ZRANB3: variants seen among roughly 807,000 people sequenced by gnomAD.
The protein encoded by ZRANB3 is zinc finger RANBP2-type containing 3, also known as DNA annealing helicase and endonuclease ZRANB3.
In ZRANB3, 125 loss-of-function variants were observed where a neutral mutation model predicts 133.8. The ratio of observed to expected loss-of-function variants is 0.93; its 90% confidence interval spans 0.81 to 1.08. The LOEUF (loss-of-function observed/expected upper bound fraction) is 1.08. ZRANB3 is among the 50% of genes least tolerant of loss of function. The pLI is 0.00. For synonymous variants in ZRANB3, 387 were observed against 432.7 expected (o/e 0.89, Z 1.31); for missense variants, 1,229 against 1,275.5 (o/e 0.96, Z 0.56).
At chr2:135,357,061 C>T (rs935202555) in intron 3 of ZRANB3, among the ~76,000 whole-genome samples, 2 of 152,026 alleles carry the variant, frequency 1.3e-5, no homozygotes, top group East Asian at 1.9e-4. Context: ...TCCTTTGAAA[C>T]GTCTTTTTGT....
Position 135,485,597 on chromosome 2 carries a change from T to A in ZRANB3, c.161+18732A>T, listed in dbSNP as rs1307866943. Among the ~76,000 whole-genome samples, 3 of 152,204 alleles carry A rather than the reference T, an allele frequency of 2.0e-5. No individual in the cohort carries two copies. In the East Asian group the frequency reaches 5.8e-4, roughly 29 times the overall value. ...TCATAAACATGGCATTTAATCTTTA[T>A]AGTTGGTCACAATACTGTCAGAATG... On this transcript the variant is annotated intron_variant, in intron 2 of 20. Transcript: ENST00000264159.
intron 2 of ZRANB3, among the ~76,000 whole-genome samples, chr2:135,408,677 G>C (rs963303436): frequency 6.6e-6 from 1 of 152,124 alleles, no homozygotes; most frequent in Non-Finnish European, 1.5e-5. Flanking sequence ...CCTTTGTAGG[G>C]ACATGGATGA....
chr2:135,490,097 C>T (rs780965658), intron 2 of ZRANB3, among the ~76,000 whole-genome samples: 1 of 152,100 alleles, frequency 6.6e-6, no homozygotes, highest in Non-Finnish European at 1.5e-5. Context: ...GAAAAAAATC[C>T]AGTGAGTCCT....
At chr2:135,324,251 GC>G (rs1573911121) in intron 6 of ZRANB3, among the ~76,000 whole-genome samples, 1 of 144,464 alleles carries the variant, frequency 6.9e-6, no homozygotes, top group Non-Finnish European at 1.5e-5. Context: ...CCCACAACAG[GC>G]CCCGGTGTGT....
At chr2:135,288,164 T>C (rs1413375666) in intron 8 of ZRANB3, among the ~76,000 whole-genome samples, 2 of 152,210 alleles carry the variant, frequency 1.3e-5, no homozygotes, top group African/African-American at 4.8e-5. Context: ...TTTTGTCAAA[T>C]GCCTTTTCTG....
At chr2:135,491,778 G>T (rs933427054) in intron 2 of ZRANB3, among the ~76,000 whole-genome samples, 3 of 152,020 alleles carry the variant, frequency 2.0e-5, no homozygotes, top group Admixed American at 1.3e-4. Flanking sequence ...GCCTCACAAA[G>T]CGCTGGGATT....
chr2:135,197,190 CTA>C lies in ZRANB3; in HGVS notation c.*3150_*3151del, dbSNP rs1245077033. 2 of 152,094 alleles carry C rather than the reference CTA, an allele frequency of 1.3e-5. No homozygotes were observed. Among genetic ancestry groups the C allele is most frequent in the Non-Finnish European group, 2.9e-5 (2 of 68,024 alleles). The allele number at this position is 152,094 out of a possible 1,614,324, so 9.4% of individuals were successfully genotyped here. On this transcript the variant is annotated 3_prime_UTR_variant, in exon 21 of 21. Transcript: ENST00000264159. Reference sequence around the variant, plus strand: ...AACAAATGGTGGAATGAGAGACAGGCTAATAATATGCAACAGAAAATGAGACA... The same window carrying C: ...AACAAATGGTGGAATGAGAGACAGGCATAATATGCAACAGAAAATGAGACA...
intron 2 of ZRANB3, among the ~76,000 whole-genome samples, chr2:135,416,563 C>T (rs937295342): frequency 2.6e-5 from 4 of 151,572 alleles, no homozygotes; most frequent in Non-Finnish European, 5.9e-5. Context: ...AATGCCATCC[C>T]CATCAAGCTA....
intron 2 of ZRANB3, among the ~76,000 whole-genome samples, chr2:135,428,893 G>T (rs1689203701): frequency 6.6e-6 from 1 of 152,204 alleles, no homozygotes; most frequent in South Asian, 2.1e-4. Flanking sequence ...AACAGATGCT[G>T]GTGGGGTTGA....
At position 135,360,171 on chromosome 2, in the gene ZRANB3, G is replaced by A. The variant is rs187236806; in HGVS notation, c.181-6543C>T. ...AGGCGGGTGGGTCACCTGAGGTCAG[G>A]AGTTCGAGACTAGCCTGGCCAAAAT... is the stretch of plus-strand genomic sequence containing the variant. On this transcript the variant is annotated intron_variant, in intron 3 of 20. Coordinates refer to ENST00000264159, the MANE Select transcript of ZRANB3 (RefSeq NM_032143.4). Among the ~76,000 whole-genome samples, 2 of 152,108 alleles carry A rather than the reference G, an allele frequency of 1.3e-5. 1 individual carries two copies. The highest frequency in any genetic ancestry group is 2.9e-5 in the Non-Finnish European group (2 of 68,008).
intron 20 of ZRANB3, among the ~76,000 whole-genome samples, chr2:135,201,464 A>T (rs1693621832): frequency 6.6e-6 from 1 of 151,910 alleles, no homozygotes; most frequent in African/African-American, 2.4e-5. Context: ...AGCAGCCTGG[A>T]CAACATGGTG....
At chr2:135,363,028 A>T (rs888982606) in intron 3 of ZRANB3, among the ~76,000 whole-genome samples, 22 of 151,636 alleles carry the variant, frequency 1.5e-4, no homozygotes, top group African/African-American at 5.1e-4. Flanking sequence ...TAAAAAGATT[A>T]AAAAAAAAGT....
intron 1 of ZRANB3, among the ~76,000 whole-genome samples, chr2:135,517,621 T>C (rs1693754672): frequency 6.6e-6 from 1 of 152,128 alleles, no homozygotes; most frequent in Non-Finnish European, 1.5e-5. Context: ...ACAGCAAAGG[T>C]TGCTGCCTGT....
chr2:135,275,789 T>A, intron 8 of ZRANB3, 34 bp from the exon 9 acceptor site: 1 of 1,431,456 alleles, frequency 7.0e-7, no homozygotes, highest in Non-Finnish European at 9.3e-7. Context: ...ATTAGTGTCA[T>A]AAAAATGATT....
chr2:135,530,813 G>A (rs16831809), intron 1 of ZRANB3: 3 of 152,122 alleles, frequency 2.0e-5, no homozygotes, highest in Non-Finnish European at 2.9e-5. Context: ...TGGCTGAAGC[G>A]GCGGCATGGG....
intron 2 of ZRANB3, among the ~76,000 whole-genome samples, chr2:135,410,648 G>A (rs542965671): frequency 6.6e-6 from 1 of 151,942 alleles, no homozygotes; most frequent in Admixed American, 6.6e-5. Context: ...GACTTGCACA[G>A]CAAAAGAAAC....
intron 16 of ZRANB3, 59 bp downstream of exon 16, chr2:135,219,018 A>G: frequency 2.6e-6 from 3 of 1,170,548 alleles, no homozygotes; most frequent in South Asian, 2.1e-5. Flanking sequence ...GATCATTAAA[A>G]TTACTAAAAC....
chr2:135,388,630 T>C (rs1417953191), intron 3 of ZRANB3, among the ~76,000 whole-genome samples: 1 of 152,218 alleles, frequency 6.6e-6, no homozygotes, highest in Non-Finnish European at 1.5e-5. Context: ...CATGTATATA[T>C]ATAAGAGGAA....
chr2:135,370,773 T>A (rs1340690592), intron 3 of ZRANB3, among the ~76,000 whole-genome samples: 2 of 152,294 alleles, frequency 1.3e-5, no homozygotes, highest in East Asian at 3.9e-4. Flanking sequence ...TGGCTCTGTG[T>A]CCCCACCCAA....
Sources: allele counts gnomAD v4.1 joint callset (sites outside exome capture counted in the v4.1 genomes callset), GRCh38; gene constraint gnomAD v4.1.1; transcripts MANE v1.5; gene names NCBI Gene and HGNC (gene_info 2026-07-23, HGNC 2026-07-21).